Variants in DLEU7 observed in about 807,000 individuals in gnomAD.
DLEU7 encodes the protein leukemia-associated protein 7.
Under a neutral mutation model 16.0 loss-of-function variants are expected in DLEU7, and 17 were observed. That is an observed-to-expected ratio of 1.06 (90% CI 0.73 to 1.59). DLEU7 has a LOEUF of 1.59. Ranked by LOEUF, DLEU7 falls within the 40% of genes most tolerant of loss-of-function variation. DLEU7 has a pLI of 0.00. For missense variants in DLEU7, 308 were observed against 314.9 expected, an observed-to-expected ratio of 0.98 and a Z score of 0.17; for synonymous variants, 113 against 139.8, an observed-to-expected ratio of 0.81 and a Z score of 1.35.
intron 1 of DLEU7, among the ~76,000 whole-genome samples, chr13:50,762,751 A>C (rs902976020): frequency 1.3e-5 from 2 of 151,798 alleles, no homozygotes; most frequent in African/African-American, 4.8e-5. Context: ...AAACAACAAA[A>C]ACACACTCTC....
chr13:50,818,884 T>C (rs1045086754), downstream of DLEU7, among the ~76,000 whole-genome samples: 1 of 152,162 alleles, frequency 6.6e-6, no homozygotes, highest in African/African-American at 2.4e-5. Flanking sequence ...TATAAGCACA[T>C]TTGTGATGGC....
At chr13:50,840,028 G>A (rs544958298) in intron 1 of DLEU7, 13 of 152,260 alleles carry the variant, frequency 8.5e-5, no homozygotes, top group African/African-American at 2.9e-4. Flanking sequence ...TCCACTGCAG[G>A]ATCTCTAATG....
chr13:50,836,139 C>T (rs977110780), intron 1 of DLEU7, among the ~76,000 whole-genome samples: 4 of 152,226 alleles, frequency 2.6e-5, no homozygotes, highest in Admixed American at 2.0e-4. Context: ...AGCTCTACAA[C>T]AAGTTGGCTC....
chr13:50,760,194 A>C (rs1314933497), intron 1 of DLEU7, among the ~76,000 whole-genome samples: 2 of 152,234 alleles, frequency 1.3e-5, no homozygotes, highest in African/African-American at 2.4e-5. Flanking sequence ...TTTACTTGTA[A>C]AATAAAAACT....
chr13:50,841,944 C>T (rs956698370), intron 1 of DLEU7, among the ~76,000 whole-genome samples: 10 of 151,904 alleles, frequency 6.6e-5, no homozygotes, highest in South Asian at 2.1e-4. Flanking sequence ...CCCACCCCAC[C>T]GCCCCCGCCA....
intron 1 of DLEU7, among the ~76,000 whole-genome samples, chr13:50,739,001 A>ACACG (rs1172598516): frequency 1.1e-5 from 1 of 87,790 alleles, no homozygotes; most frequent in South Asian, 2.6e-4. Context: ...ACACACACAC[A>ACACG]CACGCACACA....
chr13:50,752,289 G>A (rs1424603780), intron 1 of DLEU7, among the ~76,000 whole-genome samples: 2 of 152,072 alleles, frequency 1.3e-5, no homozygotes, highest in Non-Finnish European at 1.5e-5. Flanking sequence ...CTGACCTCGT[G>A]ATCCACCCAT....
chr13:50,810,253 C>T (rs1335813144), intron 1 of DLEU7, among the ~76,000 whole-genome samples: 4 of 151,526 alleles, frequency 2.6e-5, no homozygotes, highest in African/African-American at 7.3e-5. Context: ...GGCATTCACT[C>T]CTGAAGCTAT....
chr13:50,842,221 C>T (rs1877688830), intron 1 of DLEU7, among the ~76,000 whole-genome samples: 1 of 152,182 alleles, frequency 6.6e-6, no homozygotes, highest in South Asian at 2.1e-4. Context: ...TATAGTGCAA[C>T]TTAATGTATA....
chr13:50,769,127 G>A (rs2137753958), intron 1 of DLEU7, among the ~76,000 whole-genome samples: 2 of 152,280 alleles, frequency 1.3e-5, no homozygotes, highest in South Asian at 4.1e-4. Context: ...TTTTCTTGAT[G>A]AGATTGTTTG....
At chr13:50,786,145 C>A (rs1355393965) in intron 1 of DLEU7, among the ~76,000 whole-genome samples, 1 of 152,156 alleles carries the variant, frequency 6.6e-6, no homozygotes, top group Non-Finnish European at 1.5e-5. Flanking sequence ...GTTCAAGGTT[C>A]TAGAAAATAC....
chr13:50,812,091 C>A (rs1295239637), intron 1 of DLEU7, among the ~76,000 whole-genome samples: 1 of 133,204 alleles, frequency 7.5e-6, no homozygotes, highest in South Asian at 2.5e-4. Flanking sequence ...AAAAAAAAAT[C>A]TGTAAGATGA....
At chr13:50,814,183 T>C (rs1053104133) in intron 1 of DLEU7, among the ~76,000 whole-genome samples, 3 of 152,002 alleles carry the variant, frequency 2.0e-5, no homozygotes, top group African/African-American at 7.2e-5. Context: ...AAGAAGAAAG[T>C]GAAAAAAATA....
intron 1 of DLEU7, among the ~76,000 whole-genome samples, chr13:50,800,609 A>G (rs9591363): frequency 2.7e-4 from 41 of 152,268 alleles, no homozygotes; most frequent in African/African-American, 9.4e-4. Context: ...TTTCCCGCAC[A>G]TTAAAACTTC....
At chr13:50,834,702 A>G (rs962025217) in intron 1 of DLEU7, among the ~76,000 whole-genome samples, 1 of 152,184 alleles carries the variant, frequency 6.6e-6, no homozygotes, top group Non-Finnish European at 1.5e-5. Flanking sequence ...TTATACACCC[A>G]AAGGATTATA....
At chr13:50,809,836 AT>A (rs1431476955) in intron 1 of DLEU7, among the ~76,000 whole-genome samples, 3 of 152,146 alleles carry the variant, frequency 2.0e-5, no homozygotes, top group Non-Finnish European at 4.4e-5. Flanking sequence ...GTCAGTATTG[AT>A]TTAAGGAACA....
intron 1 of DLEU7, among the ~76,000 whole-genome samples, chr13:50,724,875 C>G (rs778054220): frequency 4.6e-5 from 7 of 152,246 alleles, no homozygotes; most frequent in Middle Eastern, 3.4e-3. Context: ...CCCATGCCAG[C>G]GATTAAATGT....
chr13:50,730,424 C>G (rs750195392), intron 1 of DLEU7, among the ~76,000 whole-genome samples: 2 of 152,024 alleles, frequency 1.3e-5, no homozygotes, highest in South Asian at 2.1e-4. Context: ...AAAAGCCCAG[C>G]AGATTGATTT....
intron 1 of DLEU7, among the ~76,000 whole-genome samples, chr13:50,747,561 G>A (rs1593539424): frequency 1.3e-5 from 2 of 152,166 alleles, no homozygotes; most frequent in Admixed American, 1.3e-4. Context: ...TTCACAGCCA[G>A]GTCAAACATC....
Sources: gnomAD v4.1 joint callset for allele counts (sites outside exome capture counted in the v4.1 genomes callset) on GRCh38, gnomAD v4.1.1 for gene constraint, MANE v1.5 for transcripts, NCBI Gene and HGNC (gene_info 2026-07-23, HGNC 2026-07-21) for gene names.